TRIM24: variants seen among roughly 807,000 people sequenced by gnomAD.
TRIM24 encodes transcription intermediary factor 1-alpha.
Under a neutral mutation model 123.9 loss-of-function variants are expected in TRIM24, and 29 were observed. That is an observed-to-expected ratio of 0.23 (90% CI 0.17 to 0.32). TRIM24 has a LOEUF of 0.32. Ranked by LOEUF, TRIM24 falls within the 10% of genes least tolerant of loss-of-function variation. TRIM24 has a pLI of 1.00. For synonymous variants in TRIM24, 456 were observed against 461.1 expected (o/e 0.99, Z 0.14); for missense variants, 932 against 1,295.3 (o/e 0.72, Z 4.31).
chr7:138,538,782 A>T lies in TRIM24; in HGVS notation c.1122A>T (p.Ala374=), dbSNP rs745976971. 6.2e-7 allele frequency: 1 copy of T among 1,613,940 alleles called. No individual in the cohort carries two copies. Among genetic ancestry groups the T allele is most frequent in the Non-Finnish European group, 8.5e-7 (1 of 1,179,826 alleles). The change falls in exon 7 of 19, where the codon GCA becomes GCT. Residue 374 remains alanine (A), a synonymous_variant. Transcript: ENST00000343526. ...CAGTTTCCAGTGGCAGCAGTACAGC[A>T]TTACTTTATAGCAAACGACTGGTAA... ...KWAVSSGSST[A]LLYSKRLITY...
chr7:138,551,686 C>T (rs928816943), intron 8 of TRIM24, among the ~76,000 whole-genome samples: 14 of 152,058 alleles, frequency 9.2e-5, no homozygotes, highest in Non-Finnish European at 4.4e-5. Flanking sequence ...TCCCTTAACC[C>T]CCCAAATCTG....
chr7:138,460,739 A>C lies in TRIM24; in HGVS notation c.191A>C (p.Gln64Pro). 1 of 1,576,548 alleles carries C rather than the reference A, an allele frequency of 6.3e-7. No homozygotes were observed. ...TGCGCCGTGTGCCACCAGAACATCC[A>C]GAGCCGGGCGCCCAAGCTGCTGCCC... ...DTCAVCHQNI[Q>P]SRAPKLLPCL... Residue 64 changes from glutamine to proline, a missense_variant, in exon 1 of 19, where the codon CAG becomes CCG. By Grantham distance (76) the Gln-to-Pro change is moderately conservative. Transcript: ENST00000343526.
At chr7:138,569,165 C>A (rs193270990) in intron 10 of TRIM24, among the ~76,000 whole-genome samples, 1 of 152,280 alleles carries the variant, frequency 6.6e-6, no homozygotes, top group East Asian at 1.9e-4. Context: ...GCGTATCTTG[C>A]AGAGTTATGT....
chr7:138,547,273 G>A lies in TRIM24; in HGVS notation c.1144-3790G>A, dbSNP rs1797120106. Among the ~76,000 whole-genome samples the A allele has an allele frequency of 2.6e-5, 4 of 152,122 alleles. No homozygotes were observed. In the South Asian group the frequency reaches 8.3e-4, roughly 32 times the overall value. ...GTATTGGAAGGGATGTTGATCAAAG[G>A]CTGCAAAATTTCAATTAGATAGGAG... On this transcript the variant is annotated intron_variant, in intron 7 of 18. Coordinates refer to ENST00000343526, the MANE Select transcript of TRIM24 (RefSeq NM_015905.3).
intron 2 of TRIM24, chr7:138,514,509 T>G (rs1796356742): frequency 6.6e-6 from 1 of 152,224 alleles, no homozygotes; most frequent in South Asian, 2.1e-4. Flanking sequence ...TTCGTTCAGT[T>G]CTTTGAACCT....
intron 17 of TRIM24, 36 bp downstream of exon 17, chr7:138,581,807 G>T: frequency 6.6e-7 from 1 of 1,510,274 alleles, no homozygotes; most frequent in South Asian, 1.2e-5. Flanking sequence ...TGTTTACACA[G>T]TGGAATGCTT....
chr7:138,573,636 C>G lies in TRIM24; in HGVS notation c.2008C>G (p.Leu670Val). The change falls in exon 12 of 19, where the codon CTT becomes GTT. Residue 670 changes from leucine (L) to valine (V), a missense_variant. Around this residue, in one of 7 missense-constraint regions of TRIM24, gnomAD observed 527 missense variants for 691.3 expected, o/e 0.76. Transcript: ENST00000343526. Reference sequence around the variant, plus strand: ...AAATTCATCAGTGCCATCTCCAGGCCTTGCAGGTAAAGTGGGCTTCTTTTG... The same window carrying G: ...AAATTCATCAGTGCCATCTCCAGGCGTTGCAGGTAAAGTGGGCTTCTTTTG... ...SPNSSVPSPG[L>V]AGPVTMTSVH... 6.2e-7 allele frequency: 1 copy of G among 1,603,198 alleles called. No homozygotes were observed. Among genetic ancestry groups the G allele is most frequent in the Non-Finnish European group, 8.5e-7 (1 of 1,177,392 alleles).
chr7:138,550,626 AG>A (rs1446673524), intron 7 of TRIM24, among the ~76,000 whole-genome samples: 17 of 152,052 alleles, frequency 1.1e-4, no homozygotes, highest in African/African-American at 4.1e-4. Context: ...AACTGTAACA[AG>A]GAACAAGGAG....
chr7:138,552,123 A>T (rs1483702442), intron 8 of TRIM24, among the ~76,000 whole-genome samples: 6 of 152,162 alleles, frequency 3.9e-5, no homozygotes, highest in Non-Finnish European at 8.8e-5. Flanking sequence ...AATTCAGTAC[A>T]ATTGCATGCT....
In TRIM24 at chr7:138,515,349, A is replaced by T; in HGVS notation, c.621A>T (p.Glu207Asp). 6.2e-7 allele frequency: 1 copy of T among 1,613,798 alleles called. No individual in the cohort carries two copies. The highest frequency in any genetic ancestry group is 1.3e-5 in the African/African-American group (1 of 75,040). The change falls in exon 3 of 19, where the codon GAA becomes GAT. Residue 207 changes from glutamate (E) to aspartate (D), a missense_variant. Glu to Asp is a conservative substitution (Grantham distance 45, BLOSUM62 2). Coordinates refer to ENST00000343526, the MANE Select transcript of TRIM24 (RefSeq NM_015905.3). ...TKDHTVRQKE[E>D]VSPEAVGVTS... ...ACCACACTGTCAGACAGAAAGAGGA[A>T]GTATCTCCAGGTAATAAATGAGATC... is the stretch of plus-strand genomic sequence containing the variant.
intron 3 of TRIM24, among the ~76,000 whole-genome samples, chr7:138,516,282 A>G (rs1422038802): frequency 6.6e-6 from 1 of 152,162 alleles, no homozygotes; most frequent in Non-Finnish European, 1.5e-5. Context: ...AGCCTGTGTG[A>G]CAGAGCGAGA....
Position 138,529,105 on chromosome 7 carries a change from T to G in TRIM24, c.882-11T>G, listed in dbSNP as rs748509522. The G allele has an allele frequency of 2.0e-6, 3 of 1,497,094 alleles. No homozygotes were observed. The highest frequency in any genetic ancestry group is 2.7e-6 in the Non-Finnish European group (3 of 1,112,914). The allele number at this position is 1,497,094 out of a possible 1,614,324, so 92.7% of individuals were successfully genotyped here. Reference sequence around the variant, plus strand: ...AAACTGCCTTATGTTTTTCCCCGTTTTAATTTTCAGAATTATTGAAGTAAA... The same window carrying G: ...AAACTGCCTTATGTTTTTCCCCGTTGTAATTTTCAGAATTATTGAAGTAAA... On this transcript the variant is annotated splice_polypyrimidine_tract_variant and intron_variant, in intron 5 of 18. Transcript: ENST00000343526.
At chr7:138,463,194 C>G (rs1361825313) in intron 1 of TRIM24, among the ~76,000 whole-genome samples, 1 of 151,392 alleles carries the variant, frequency 6.6e-6, no homozygotes, top group Non-Finnish European at 1.5e-5. Context: ...CTGGCCTGTT[C>G]TTATTTCTTA....
At chr7:138,536,452 C>G (rs369522848) in intron 6 of TRIM24, among the ~76,000 whole-genome samples, 13 of 152,360 alleles carry the variant, frequency 8.5e-5, no homozygotes, top group African/African-American at 2.2e-4. Context: ...CCCTCAGCTG[C>G]AGGTCTGTTG....
chr7:138,491,069 C>A, intron 1 of TRIM24: 1 of 248,298 alleles, frequency 4.0e-6, no homozygotes, highest in South Asian at 4.5e-5. Flanking sequence ...AGACCCATGC[C>A]ATGGAAGTTA....
chr7:138,493,901 A>AT (rs1293024288), intron 1 of TRIM24, among the ~76,000 whole-genome samples: 4 of 152,176 alleles, frequency 2.6e-5, no homozygotes, highest in African/African-American at 9.7e-5. Context: ...GTAGTCTAAT[A>AT]CAAGTCCATC....
At chr7:138,480,640 TG>T (rs1795506049) in intron 1 of TRIM24, among the ~76,000 whole-genome samples, 1 of 152,208 alleles carries the variant, frequency 6.6e-6, no homozygotes, top group Non-Finnish European at 1.5e-5. Context: ...TGTTTTGTTT[TG>T]TTTTTTTAAA....
intron 1 of TRIM24, among the ~76,000 whole-genome samples, chr7:138,472,587 G>A (rs1795295109): frequency 1.3e-5 from 2 of 152,166 alleles, no homozygotes; most frequent in Admixed American, 1.3e-4. Context: ...CCAATAAAAT[G>A]TAGTGTTAGT....
At chr7:138,563,870 A>G (rs147579477) in intron 9 of TRIM24, among the ~76,000 whole-genome samples, 56 of 152,232 alleles carry the variant, frequency 3.7e-4, no homozygotes, top group Admixed American at 5.9e-4. Context: ...TAGGTACTGT[A>G]ATTGGACTGC....
Sources: gnomAD v4.1 joint callset for allele counts (sites outside exome capture counted in the v4.1 genomes callset) on GRCh38, gnomAD v4.1.1 for gene constraint, gnomAD v4.1.1 regional missense constraint, MANE v1.5 for transcripts, NCBI Gene and HGNC (gene_info 2026-07-23, HGNC 2026-07-21) for gene names.